The following IFT46 variants were observed in gnomAD, a reference collection of about 807,000 sequenced individuals.
IFT46 encodes intraflagellar transport 46.
In IFT46, 19 loss-of-function variants were observed where a neutral mutation model predicts 39.6. That is an observed-to-expected ratio of 0.48 (90% CI 0.33 to 0.70). The LOEUF is 0.70. Among genes scored for constraint, IFT46 ranks in the 30% least tolerant of loss-of-function variants. IFT46 has a pLI of 0.01. For missense variants in IFT46, 334 were observed against 364.8 expected, an observed-to-expected ratio of 0.92 and a Z score of 0.69; for synonymous variants, 117 against 134.8, an observed-to-expected ratio of 0.87 and a Z score of 0.91.
At chr11:118,572,803 G>A (rs1333599642) in exon 1 of IFT46, 1 of 460,542 alleles carries the variant, frequency 2.2e-6, no homozygotes, top group African/African-American at 2.0e-5. Flanking sequence ...CTCGTTTGCT[G>A]GGACCTGCCC....
Position 118,554,466 on chromosome 11 carries a change from T to A in IFT46, c.476A>T (p.Asn159Ile). ...ACTAAGCTAGTATCTTACTGTGATG[T>A]TGTGCTGCTTAGAATTCTCTGTTAA... ...LWLTENSKQH[N>I]ITQHMKVKSL... is the part of the protein sequence containing the mutation. The change falls in exon 7 of 12, where the codon AAC becomes ATC. Residue 159 changes from asparagine (N) to isoleucine (I), a missense_variant. Transcript: ENST00000264021. The A allele has an allele frequency of 1.2e-6, 2 of 1,608,832 alleles. No homozygotes were observed. The highest frequency in any genetic ancestry group is 1.7e-6 in the Non-Finnish European group (2 of 1,178,226).
Position 118,544,768 on chromosome 11 carries a change from C to T in IFT46, c.*148G>A. ...TTCATTAAACAAACATGTTCTGTGC[C>T]CTCTGGCAGAGAGGGCAGCAGGACA... On this transcript the variant is annotated 3_prime_UTR_variant, in exon 12 of 12. Coordinates refer to ENST00000264021, the MANE Select transcript of IFT46 (RefSeq NM_001168618.2). The T allele has an allele frequency of 1.6e-6, 1 of 631,438 alleles. No homozygotes were observed. Among genetic ancestry groups the T allele is most frequent in the South Asian group, 1.9e-5 (1 of 52,166 alleles). The allele number at this position is 631,438 out of a possible 1,614,324, so 39.1% of individuals were successfully genotyped here. A position where few individuals can be genotyped will look rare whatever the true frequency, so the allele number is the denominator to read the frequency against.
chr11:118,550,421 C>T (rs1555068118), intron 9 of IFT46, among the ~76,000 whole-genome samples: 1 of 152,106 alleles, frequency 6.6e-6, no homozygotes, highest in Non-Finnish European at 1.5e-5. Flanking sequence ...TTCTGTATCT[C>T]CTATATTTTA....
chr11:118,563,407 T>C (rs1938126496), intron 2 of IFT46, among the ~76,000 whole-genome samples: 1 of 152,176 alleles, frequency 6.6e-6, no homozygotes, highest in African/African-American at 2.4e-5. Context: ...CACTTAAAAA[T>C]TGTTAAAATG....
intron 2 of IFT46, among the ~76,000 whole-genome samples, chr11:118,562,223 G>A (rs1938081684): frequency 6.6e-6 from 1 of 151,940 alleles, no homozygotes; most frequent in Non-Finnish European, 1.5e-5. Context: ...GTTGCAGTGG[G>A]CCGAGATCAC....
At chr11:118,563,218 G>A (rs925817343) in intron 2 of IFT46, among the ~76,000 whole-genome samples, 2 of 150,076 alleles carry the variant, frequency 1.3e-5, no homozygotes, top group Admixed American at 6.6e-5. Flanking sequence ...TTTCACTTAT[G>A]TGGTTCCCAG....
intron 3 of IFT46, chr11:118,557,905 A>C (rs1555069874): frequency 6.4e-7 from 1 of 1,560,550 alleles, no homozygotes; most frequent in Admixed American, 2.1e-5. Flanking sequence ...AGGATGACCA[A>C]TTGGCCCCCT....
intron 2 of IFT46, chr11:118,560,212 A>G (rs1247471126): frequency 4.6e-6 from 1 of 219,204 alleles, no homozygotes; most frequent in Non-Finnish European, 8.9e-6. Flanking sequence ...CAGGAGTTTG[A>G]GCCTAGACTG....
rs782259406 is a variant in IFT46, at chr11:118,557,032, G to A, written c.59C>T (p.Thr20Ile). 5 of 1,603,098 alleles carry A rather than the reference G, an allele frequency of 3.1e-6. No homozygotes were observed. Among genetic ancestry groups the A allele is most frequent in the Non-Finnish European group, 3.4e-6 (4 of 1,175,356 alleles). ...GCCCCGTTGAGGTGTCAACTGTGAG[G>A]TCTTCTTCTTCTCCTGTGATAGGGC... is the stretch of plus-strand genomic sequence containing the variant. ...EEENNKEKKKTSQLTPQRGFS... is the reference protein window; with the variant it reads ...EEENNKEKKKISQLTPQRGFS... The change falls in exon 4 of 12, where the codon ACC becomes ATC. Residue 20 changes from threonine (T) to isoleucine (I), a missense_variant. Physicochemically the swap from Thr to Ile is moderately conservative, Grantham distance 89 (BLOSUM62 -1). Transcript: ENST00000264021.
chr11:118,573,706 C>A (rs1938412631), upstream of IFT46: 2 of 698,978 alleles, frequency 2.9e-6, no homozygotes. Context: ...TATTGACAAC[C>A]CTTTAGATAA....
intron 1 of IFT46, chr11:118,572,306 A>G: frequency 4.0e-6 from 2 of 504,828 alleles, no homozygotes; most frequent in Non-Finnish European, 7.2e-6. Flanking sequence ...CTTAATCGTA[A>G]CCGGAGCGGG....
At chr11:118,573,644 A>G, upstream of IFT46, 1 of 702,220 alleles carries the variant, frequency 1.4e-6, no homozygotes, top group Non-Finnish European at 2.6e-6. Context: ...AACATCGTCC[A>G]GTGTACCTGA....
At chr11:118,572,452 C>T (rs1308536178) in intron 1 of IFT46, 10 of 1,318,422 alleles carry the variant, frequency 7.6e-6, no homozygotes, top group Non-Finnish European at 1.0e-5. Flanking sequence ...GTCAAGGGGG[C>T]AGCAGGTCCA....
intron 4 of IFT46, among the ~76,000 whole-genome samples, chr11:118,555,966 C>T (rs1348846318): frequency 6.6e-6 from 1 of 150,984 alleles, no homozygotes; most frequent in African/African-American, 2.4e-5. Context: ...AAATAGTTTG[C>T]ACCAGAAAAA....
At chr11:118,551,879 A>G in intron 8 of IFT46, 27 bp from the exon 9 acceptor site, 1 of 1,597,954 alleles carries the variant, frequency 6.3e-7, no homozygotes, top group Non-Finnish European at 8.6e-7. Flanking sequence ...AAATATGAAC[A>G]AGAAACGTGA....
intron 7 of IFT46, among the ~76,000 whole-genome samples, chr11:118,553,895 A>G (rs1044133987): frequency 7.2e-5 from 11 of 152,110 alleles, no homozygotes; most frequent in African/African-American, 2.7e-4. Flanking sequence ...GAGGTGATGA[A>G]ATATTCTAAA....
intron 2 of IFT46, among the ~76,000 whole-genome samples, chr11:118,562,829 G>A (rs1938104357): frequency 6.6e-6 from 1 of 152,222 alleles, no homozygotes; most frequent in Non-Finnish European, 1.5e-5. Flanking sequence ...ACTTTGGGAG[G>A]CCGAGGTGGG....
chr11:118,573,987 A>G (rs1938421924), upstream of IFT46, among the ~76,000 whole-genome samples: 1 of 152,222 alleles, frequency 6.6e-6, no homozygotes, highest in South Asian at 2.1e-4. Context: ...GTCTTGTATT[A>G]TATAAACCAG....
chr11:118,557,738 C>T (rs1404639781), intron 3 of IFT46: 3 of 1,613,834 alleles, frequency 1.9e-6, no homozygotes, highest in Non-Finnish European at 2.5e-6. Context: ...TATAACCTAC[C>T]TTTCTGTGCT....
Sources: gnomAD v4.1 joint callset for allele counts (sites outside exome capture counted in the v4.1 genomes callset) on GRCh38, gnomAD v4.1.1 for gene constraint, MANE v1.5 for transcripts, NCBI Gene and HGNC (gene_info 2026-07-23, HGNC 2026-07-21) for gene names.